Variants in ADAM22 observed in about 807,000 individuals in gnomAD.
ADAM22 encodes disintegrin and metalloproteinase domain-containing protein 22.
Under a neutral mutation model 144.6 loss-of-function variants are expected in ADAM22, and 65 were observed. That is an observed-to-expected ratio of 0.45 (90% CI 0.37 to 0.55). The LOEUF is 0.55. Among genes scored for constraint, ADAM22 ranks in the 20% least tolerant of loss-of-function variants. The pLI is 0.00. For missense variants in ADAM22, 974 were observed against 1,184.9 expected (o/e 0.82, Z 2.61); for synonymous variants, 391 against 412.6 (o/e 0.95, Z 0.63).
chr7:87,946,519 A>G (rs1458240163), intron 2 of ADAM22, among the ~76,000 whole-genome samples: 2 of 152,120 alleles, frequency 1.3e-5, no homozygotes, highest in East Asian at 1.9e-4. Context: ...TCTTGAGTTA[A>G]TTTTTATATA....
intron 2 of ADAM22, among the ~76,000 whole-genome samples, chr7:87,955,994 G>A (rs902516085): frequency 1.3e-5 from 2 of 152,174 alleles, no homozygotes; most frequent in African/African-American, 4.8e-5. Flanking sequence ...CGCAGTATTC[G>A]GGTGGGAGTG....
At chr7:88,098,415 A>G (rs780620952) in intron 4 of ADAM22, among the ~76,000 whole-genome samples, 5 of 152,142 alleles carry the variant, frequency 3.3e-5, no homozygotes, top group Non-Finnish European at 7.4e-5. Context: ...GAATTATTTT[A>G]CTGGTTTGAA....
At position 88,151,644 on chromosome 7, in the gene ADAM22, C is replaced by G. The variant is rs548293333; in HGVS notation, c.1681+324C>G. On this transcript the variant is annotated intron_variant, in intron 20 of 31. Coordinates refer to ENST00000413139, the MANE Select transcript of ADAM22 (RefSeq NM_001324418.2). ...TCAGCTCCATGTATACTCTTCTCAG[C>G]TGAGTGCCCTGAAGCTAAAGCTTCA... Among the ~76,000 whole-genome samples the G allele has an allele frequency of 2.6e-5, 4 of 152,298 alleles. No homozygotes were observed. The South Asian group carries it at 8.3e-4, about 32-fold the overall frequency.
chr7:88,124,358 G>T (rs1829963583), intron 7 of ADAM22, among the ~76,000 whole-genome samples: 3 of 151,542 alleles, frequency 2.0e-5, no homozygotes, highest in South Asian at 4.2e-4. Context: ...TTTATAATTA[G>T]GAAATAGTTT....
In ADAM22 at chr7:88,116,913, AT is replaced by A. The variant is rs1225138698; in HGVS notation, c.607+100del. 2.7e-5 allele frequency: 24 copies of A among 885,832 alleles called. No individual in the cohort carries two copies. The African/African-American group carries it at 3.6e-4, about 13-fold the overall frequency. 54.9% of individuals were successfully genotyped at this position (885,832 alleles called of 1,614,324 possible). On this transcript the variant is annotated intron_variant, in intron 7 of 31. Coordinates refer to ENST00000413139, the MANE Select transcript of ADAM22 (RefSeq NM_001324418.2). ...TATATTTGGAATATCATTAGCCCAC[AT>A]CTGCTTTTGACATTTTTAGAGGGAG... is the stretch of plus-strand genomic sequence containing the variant.
Position 88,008,499 on chromosome 7 carries a change from G to A in ADAM22, c.323+30087G>A, listed in dbSNP as rs1197750547. ...ACAATAGCAAAGACTTGGAACCAAGGCAAATGTCCAACAATGATAGACTGG... is the reference window on the plus strand; with the variant it reads ...ACAATAGCAAAGACTTGGAACCAAGACAAATGTCCAACAATGATAGACTGG... On this transcript the variant is annotated intron_variant, in intron 3 of 31. Transcript: ENST00000413139. 3.3e-5 allele frequency among the ~76,000 whole-genome samples: 5 copies of A among 151,842 alleles called. 1 individual carries two copies. In the South Asian group the frequency reaches 1.0e-3, roughly 32 times the overall value.
At chr7:88,113,381 C>G (rs1463096550) in intron 5 of ADAM22, among the ~76,000 whole-genome samples, 1 of 151,506 alleles carries the variant, frequency 6.6e-6, no homozygotes, top group Non-Finnish European at 1.5e-5. Context: ...CTTCTTTCGC[C>G]TGGATTATTG....
At chr7:88,031,137 CA>C (rs1163492950) in intron 3 of ADAM22, among the ~76,000 whole-genome samples, 1 of 137,120 alleles carries the variant, frequency 7.3e-6, no homozygotes, top group African/African-American at 2.6e-5. Flanking sequence ...AACAAACAAA[CA>C]AAAAACCAAC....
At chr7:88,034,883 T>A (rs558137855) in intron 3 of ADAM22, among the ~76,000 whole-genome samples, 5 of 152,294 alleles carry the variant, frequency 3.3e-5, no homozygotes, top group African/African-American at 1.2e-4. Context: ...ATGAGGCTGC[T>A]GCTGGGGTGT....
chr7:88,139,827 C>T (rs1445426202), intron 14 of ADAM22, among the ~76,000 whole-genome samples: 1 of 152,100 alleles, frequency 6.6e-6, no homozygotes, highest in Non-Finnish European at 1.5e-5. Flanking sequence ...GAGGCATGAT[C>T]GGACTGGATG....
chr7:88,123,614 A>G (rs1336499017), intron 7 of ADAM22, among the ~76,000 whole-genome samples: 1 of 151,368 alleles, frequency 6.6e-6, no homozygotes, highest in Non-Finnish European at 1.5e-5. Context: ...TTTGTGTTTA[A>G]GTTTTGAGTC....
chr7:88,140,482 A>G (rs996912815), intron 14 of ADAM22, among the ~76,000 whole-genome samples: 4 of 152,210 alleles, frequency 2.6e-5, no homozygotes, highest in Non-Finnish European at 1.5e-5. Flanking sequence ...CAAATGAAGA[A>G]TAAAGTTTGT....
intron 7 of ADAM22, among the ~76,000 whole-genome samples, chr7:88,121,953 C>CA (rs1235363525): frequency 6.6e-6 from 1 of 152,122 alleles, no homozygotes; most frequent in Non-Finnish European, 1.5e-5. Flanking sequence ...TAAATTACCA[C>CA]AAAATGCACC....
intron 21 of ADAM22, among the ~76,000 whole-genome samples, chr7:88,154,897 A>G (rs1387603217): frequency 1.3e-5 from 2 of 152,154 alleles, no homozygotes; most frequent in Non-Finnish European, 2.9e-5. Flanking sequence ...ATACTTTTGT[A>G]TATAATCTTG....
At chr7:88,082,823 A>G (rs1817194714) in intron 4 of ADAM22, among the ~76,000 whole-genome samples, 1 of 152,122 alleles carries the variant, frequency 6.6e-6, no homozygotes, top group Admixed American at 6.6e-5. Flanking sequence ...GCGATCATTA[A>G]AAAGTCAGGA....
At chr7:87,998,434 A>G (rs1791754784) in intron 3 of ADAM22, among the ~76,000 whole-genome samples, 1 of 152,128 alleles carries the variant, frequency 6.6e-6, no homozygotes, top group Admixed American at 6.6e-5. Context: ...TCTGTTGCTC[A>G]AGGTAGAGTG....
At chr7:87,956,158 C>G (rs1223917954) in intron 2 of ADAM22, among the ~76,000 whole-genome samples, 3 of 152,138 alleles carry the variant, frequency 2.0e-5, no homozygotes, top group Admixed American at 6.5e-5. Context: ...CTGGCTGGCA[C>G]TCCCTAGTGA....
chr7:88,121,046 G>T (rs1829163967), intron 7 of ADAM22, among the ~76,000 whole-genome samples: 1 of 151,904 alleles, frequency 6.6e-6, no homozygotes, highest in Non-Finnish European at 1.5e-5. Context: ...GAATTGTTTT[G>T]ATGTCTTTGT....
intron 21 of ADAM22, among the ~76,000 whole-genome samples, chr7:88,155,285 A>G (rs1839623657): frequency 6.6e-6 from 1 of 151,934 alleles, no homozygotes; most frequent in Non-Finnish European, 1.5e-5. Flanking sequence ...GTGCTTTGGG[A>G]GGGTGAGGAG....
Sources: allele counts gnomAD v4.1 joint callset (sites outside exome capture counted in the v4.1 genomes callset), GRCh38; gene constraint gnomAD v4.1.1; transcripts MANE v1.5; gene names NCBI Gene and HGNC (gene_info 2026-07-23, HGNC 2026-07-21).